The following LRIT3 variants were observed in gnomAD, a reference collection of about 807,000 sequenced individuals.
The protein encoded by LRIT3 is leucine rich repeat, Ig-like and transmembrane domains 3.
Under a neutral mutation model 22.6 loss-of-function variants are expected in LRIT3, and 14 were observed. The observed-to-expected ratio is 0.62, with a 90% CI of 0.41 to 0.97. The LOEUF (loss-of-function observed/expected upper bound fraction) is 0.97. Among genes scored for constraint, LRIT3 ranks in the 50% least tolerant of loss-of-function variants. LRIT3 has a pLI of 0.00. For synonymous variants in LRIT3, 306 were observed against 304.5 expected (o/e 1.01, Z -0.05); for missense variants, 783 against 803.0 (o/e 0.98, Z 0.30).
chr4:109,856,756 T>C (rs1221654638), intron 2 of LRIT3, among the ~76,000 whole-genome samples: 2 of 152,170 alleles, frequency 1.3e-5, no homozygotes, highest in African/African-American at 4.8e-5. Flanking sequence ...TCTTAGATCA[T>C]TAATTTGATT....
intron 2 of LRIT3, among the ~76,000 whole-genome samples, chr4:109,853,386 T>G (rs1734319912): frequency 6.6e-6 from 1 of 152,238 alleles, no homozygotes; most frequent in Non-Finnish European, 1.5e-5. Flanking sequence ...TGTCTTCTTT[T>G]GAGAAGTGTC....
chr4:109,860,679 T>C (rs1404936112), intron 2 of LRIT3, among the ~76,000 whole-genome samples: 1 of 152,256 alleles, frequency 6.6e-6, no homozygotes, highest in Non-Finnish European at 1.5e-5. Flanking sequence ...AATATTTCCA[T>C]GACCTCAGAA....
chr4:109,850,407 C>CCTCT (rs1734194687), intron 1 of LRIT3, among the ~76,000 whole-genome samples: 1 of 9,782 alleles, frequency 1.0e-4, no homozygotes, highest in Non-Finnish European at 3.8e-4. Context: ...TCCTTCCTTC[C>CCTCT]TTCCTTCCTT....
At chr4:109,855,221 T>C (rs960845832) in intron 2 of LRIT3, among the ~76,000 whole-genome samples, 24 of 152,204 alleles carry the variant, frequency 1.6e-4, no homozygotes, top group African/African-American at 5.8e-4. Context: ...TTTCAGAACT[T>C]GTTATTTGTC....
chr4:109,868,803 A>C (rs1161810562), intron 3 of LRIT3, among the ~76,000 whole-genome samples: 2 of 152,182 alleles, frequency 1.3e-5, no homozygotes, highest in African/African-American at 4.8e-5. Context: ...ACTAAAATTC[A>C]GGTTGAAATA....
chr4:109,869,539 C>A, intron 3 of LRIT3, 106 bp from the exon 4 acceptor site: 1 of 1,105,122 alleles, frequency 9.0e-7, no homozygotes. Flanking sequence ...CTCTTGGCTT[C>A]TGTGAGAGGA....
intron 3 of LRIT3, 150 bp downstream of exon 3, chr4:109,868,096 C>G: frequency 2.5e-6 from 2 of 785,042 alleles, no homozygotes; most frequent in Non-Finnish European, 2.0e-6. Context: ...ACATTTTATT[C>G]ATTAGTATTC....
intron 2 of LRIT3, chr4:109,865,222 C>A: frequency 6.6e-7 from 1 of 1,523,288 alleles, no homozygotes; most frequent in South Asian, 1.2e-5. Flanking sequence ...TCACCCAGGT[C>A]ACAGAATTAA....
chr4:109,848,151 T>C lies in LRIT3; in HGVS notation c.-51T>C. The C allele has an allele frequency of 2.0e-6, 2 of 979,368 alleles. No homozygotes were observed. Among genetic ancestry groups the C allele is most frequent in the South Asian group, 5.2e-5 (1 of 19,306 alleles). The allele number at this position is 979,368 out of a possible 1,614,324, so 60.7% of individuals were successfully genotyped here. A position where few individuals can be genotyped will look rare whatever the true frequency, so the allele number is the denominator to read the frequency against. ...TATTCCAGGCATACCAGGTTCTGAA[T>C]GCTTAGGATTCGGTTTTTACCTTTT... On this transcript the variant is annotated 5_prime_UTR_variant, in exon 1 of 4. An upstream start codon of the reference 5' UTR is lost. Coordinates refer to ENST00000594814, the MANE Select transcript of LRIT3 (RefSeq NM_198506.5).
At chr4:109,850,397 TCCTTCCTTCCTTCCTTCCTTCCTTC>T (rs1208439366) in intron 1 of LRIT3, among the ~76,000 whole-genome samples, 11 of 998 alleles carry the variant, frequency 0.011, no homozygotes, top group African/African-American at 0.023. Context: ...CTTCCTTCCT[TCCTTCCTTCCTTCCTTCCTTCCTTC>T]CTTTCTTTCT....
In LRIT3 at chr4:109,870,838, T is replaced by C; in HGVS notation, c.*49T>C. On this transcript the variant is annotated 3_prime_UTR_variant, in exon 4 of 4. Transcript: ENST00000594814. ...GAGCTACAAAACTAGCATCTAAGGG[T>C]ATAATTGACCCTAGGTTTGGATGAC... 6.6e-7 allele frequency: 1 copy of C among 1,511,710 alleles called. No individual in the cohort carries two copies. The allele number at this position is 1,511,710 out of a possible 1,614,324, so 93.6% of individuals were successfully genotyped here.
chr4:109,850,353 GTCTT>G (rs1371540109), intron 1 of LRIT3, among the ~76,000 whole-genome samples: 122 of 135,184 alleles, frequency 9.0e-4, no homozygotes, highest in South Asian at 1.7e-3. Flanking sequence ...GGACAGTGTT[GTCTT>G]CCTTCCTTCC....
At chr4:109,858,955 G>GT (rs1734470061) in intron 2 of LRIT3, among the ~76,000 whole-genome samples, 1 of 152,180 alleles carries the variant, frequency 6.6e-6, no homozygotes, top group Admixed American at 6.5e-5. Flanking sequence ...GAAAACATAT[G>GT]TTTTTTAACA....
chr4:109,866,024 G>T (rs191175921), intron 2 of LRIT3, among the ~76,000 whole-genome samples: 25 of 152,158 alleles, frequency 1.6e-4, no homozygotes, highest in Non-Finnish European at 7.4e-5. Flanking sequence ...AAAGTTTAAA[G>T]TTATTCACCC....
At chr4:109,863,727 T>C (rs1013226341) in intron 2 of LRIT3, among the ~76,000 whole-genome samples, 8 of 152,206 alleles carry the variant, frequency 5.3e-5, no homozygotes, top group African/African-American at 1.9e-4. Flanking sequence ...TTGTGTCTTC[T>C]ACCAACATCC....
intron 2 of LRIT3, among the ~76,000 whole-genome samples, chr4:109,855,450 C>CT (rs1734376952): frequency 6.6e-6 from 1 of 152,054 alleles, no homozygotes. Context: ...ATTAGTCTTG[C>CT]TAGCGGTCTA....
intron 1 of LRIT3, among the ~76,000 whole-genome samples, chr4:109,850,369 T>TCCTG (rs1332524507): frequency 7.2e-3 from 3 of 416 alleles, no homozygotes; most frequent in Non-Finnish European, 0.016. Flanking sequence ...CTTCCTTCCT[T>TCCTG]CCTTCCTTCC....
At chr4:109,867,603 G>T in intron 2 of LRIT3, 38 bp from the exon 3 acceptor site, 1 of 1,582,028 alleles carries the variant, frequency 6.3e-7, no homozygotes, top group Non-Finnish European at 8.6e-7. Flanking sequence ...GAAGTCATCA[G>T]AATAATCTTT....
intron 2 of LRIT3, among the ~76,000 whole-genome samples, chr4:109,859,262 G>A (rs2125899130): frequency 6.6e-6 from 1 of 152,308 alleles, no homozygotes; most frequent in South Asian, 2.1e-4. Flanking sequence ...TTTAGTGAGG[G>A]TGGGGGTAGG....
Sources: gnomAD v4.1 joint callset for allele counts (sites outside exome capture counted in the v4.1 genomes callset) on GRCh38, gnomAD v4.1.1 for gene constraint, MANE v1.5 for transcripts, NCBI Gene and HGNC (gene_info 2026-07-23, HGNC 2026-07-21) for gene names.